The following LUZP2 variants were observed in gnomAD, a reference collection of about 807,000 sequenced individuals.
LUZP2 encodes leucine zipper protein 2.
Under a neutral mutation model 51.6 loss-of-function variants are expected in LUZP2, and 52 were observed. The observed-to-expected ratio is 1.01, with a 90% CI of 0.81 to 1.27. LUZP2 has a LOEUF of 1.27. LUZP2 is among the 50% of genes most tolerant of loss of function. LUZP2 has a pLI of 0.00. For synonymous variants in LUZP2, 154 were observed against 137.3 expected, an observed-to-expected ratio of 1.12 and a Z score of -0.85; for missense variants, 436 against 395.4, an observed-to-expected ratio of 1.10 and a Z score of -0.87.
intron 9 of LUZP2, among the ~76,000 whole-genome samples, chr11:25,003,578 G>A (rs1856753266): frequency 6.6e-6 from 1 of 152,140 alleles, no homozygotes; most frequent in South Asian, 2.1e-4. Context: ...AGGGACTGTT[G>A]CATTTCCTTA....
chr11:24,924,049 C>A (rs1011905130), intron 7 of LUZP2, among the ~76,000 whole-genome samples: 1 of 151,634 alleles, frequency 6.6e-6, no homozygotes, highest in Non-Finnish European at 1.5e-5. Flanking sequence ...CAACTGCTTG[C>A]CCCCCCACAC....
chr11:24,574,402 C>CTT (rs1852569447), intron 1 of LUZP2, among the ~76,000 whole-genome samples: 1 of 139,936 alleles, frequency 7.1e-6, no homozygotes, highest in South Asian at 2.5e-4. Context: ...TCATCTCTCT[C>CTT]TCTCTCTCTG....
chr11:24,824,026 G>T (rs925237018), intron 5 of LUZP2, among the ~76,000 whole-genome samples: 1 of 151,666 alleles, frequency 6.6e-6, no homozygotes, highest in Non-Finnish European at 1.5e-5. Flanking sequence ...TCACGCCACT[G>T]CACTCCAGCC....
At chr11:24,819,341 A>G (rs2134154017) in intron 5 of LUZP2, among the ~76,000 whole-genome samples, 1 of 152,150 alleles carries the variant, frequency 6.6e-6, no homozygotes, top group South Asian at 2.1e-4. Flanking sequence ...ATTTTGAGGA[A>G]TTGTAAGCAA....
intron 1 of LUZP2, among the ~76,000 whole-genome samples, chr11:24,571,881 C>T (rs555663289): frequency 6.6e-6 from 1 of 151,844 alleles, no homozygotes; most frequent in Non-Finnish European, 1.5e-5. Context: ...ATTACATAAC[C>T]CCAAACTTTC....
At position 24,735,905 on chromosome 11, in the gene LUZP2, G is replaced by C. The variant is rs558979300; in HGVS notation, c.252-2316G>C. Among the ~76,000 whole-genome samples the C allele has an allele frequency of 7.9e-5, 12 of 152,004 alleles. No individual in the cohort carries two copies. In the South Asian group the frequency reaches 2.5e-3, roughly 31 times the overall value. On this transcript the variant is annotated intron_variant, in intron 3 of 11. Transcript: ENST00000336930. ...AAGTCAGGAATCATCTCTATAGGAGGATAACTTAGCAAGTCTTTGAAGCAG... is the reference window on the plus strand; with the variant it reads ...AAGTCAGGAATCATCTCTATAGGAGCATAACTTAGCAAGTCTTTGAAGCAG...
chr11:24,699,654 C>CATATAT (rs145387003), intron 1 of LUZP2, among the ~76,000 whole-genome samples: 8 of 148,686 alleles, frequency 5.4e-5, no homozygotes, highest in Admixed American at 6.8e-5. Flanking sequence ...TAGCCTTGGC[C>CATATAT]ATATATATAT....
chr11:25,013,082 G>A (rs915497931), intron 9 of LUZP2, among the ~76,000 whole-genome samples: 1 of 152,154 alleles, frequency 6.6e-6, no homozygotes, highest in Admixed American at 6.6e-5. Context: ...CAACATGGAT[G>A]AAACCGGTTG....
chr11:24,779,104 A>C (rs975630211), intron 5 of LUZP2, among the ~76,000 whole-genome samples: 2 of 152,206 alleles, frequency 1.3e-5, no homozygotes, highest in African/African-American at 4.8e-5. Context: ...TGAACAATTA[A>C]CCAAGATTAT....
intron 9 of LUZP2, among the ~76,000 whole-genome samples, chr11:25,033,222 A>G (rs1040264820): frequency 2.0e-5 from 3 of 152,198 alleles, no homozygotes; most frequent in Non-Finnish European, 4.4e-5. Context: ...TAAGGAACAC[A>G]GAAATAGGAA....
chr11:25,076,653 GGGAGGGAGGGAA>G (rs1179916466), intron 10 of LUZP2, among the ~76,000 whole-genome samples: 5 of 146,400 alleles, frequency 3.4e-5, no homozygotes, highest in Admixed American at 2.7e-4. Flanking sequence ...AGGGAAGGAA[GGGAGGGAGGGAA>G]GGAGGGAGGG....
At chr11:24,723,218 A>C (rs2133954787) in intron 1 of LUZP2, among the ~76,000 whole-genome samples, 1 of 152,338 alleles carries the variant, frequency 6.6e-6, no homozygotes, top group East Asian at 1.9e-4. Context: ...ATTAAAAACA[A>C]GTACTAATGA....
intron 1 of LUZP2, among the ~76,000 whole-genome samples, chr11:24,664,698 T>G (rs1193099855): frequency 6.6e-6 from 1 of 152,142 alleles, no homozygotes; most frequent in South Asian, 2.1e-4. Context: ...GCTTACATCA[T>G]TGCTTCAGAT....
At chr11:24,770,843 G>A (rs1860385113) in intron 5 of LUZP2, among the ~76,000 whole-genome samples, 1 of 152,086 alleles carries the variant, frequency 6.6e-6, no homozygotes, top group African/African-American at 2.4e-5. Context: ...TTGTACCTTA[G>A]AAAAAACTCT....
At chr11:24,593,798 A>G (rs558002559) in intron 1 of LUZP2, among the ~76,000 whole-genome samples, 2 of 152,150 alleles carry the variant, frequency 1.3e-5, no homozygotes, top group African/African-American at 4.8e-5. Context: ...TATTAGTCAA[A>G]CAAATTCCTA....
intron 1 of LUZP2, among the ~76,000 whole-genome samples, chr11:24,555,482 C>T (rs1159810321): frequency 6.6e-6 from 1 of 152,134 alleles, no homozygotes; most frequent in African/African-American, 2.4e-5. Flanking sequence ...GTTCACATTG[C>T]AGATGAAGTA....
intron 9 of LUZP2, among the ~76,000 whole-genome samples, chr11:25,019,503 T>C (rs529113163): frequency 2.0e-5 from 3 of 152,250 alleles, no homozygotes; most frequent in Non-Finnish European, 1.5e-5. Context: ...TTTTTAATTA[T>C]TATTATTTTT....
At chr11:24,524,010 T>G (rs906687543) in intron 1 of LUZP2, among the ~76,000 whole-genome samples, 5 of 151,770 alleles carry the variant, frequency 3.3e-5, no homozygotes, top group African/African-American at 1.2e-4. Context: ...ATCTCCTGAA[T>G]GAGTCTGAAT....
At chr11:24,731,881 T>G (rs931301828) in intron 2 of LUZP2, among the ~76,000 whole-genome samples, 2 of 151,694 alleles carry the variant, frequency 1.3e-5, no homozygotes, top group African/African-American at 4.8e-5. Context: ...TGGAGAGTAG[T>G]TTCTCCTCCA....
Sources: allele counts gnomAD v4.1 joint callset (sites outside exome capture counted in the v4.1 genomes callset), GRCh38; gene constraint gnomAD v4.1.1; transcripts MANE v1.5; gene names NCBI Gene and HGNC (gene_info 2026-07-23, HGNC 2026-07-21).